Variants in AFF3 observed in about 807,000 individuals in gnomAD.
AFF3 encodes ALF transcription elongation factor 3, also known as AF4/FMR2 family member 3.
A neutral mutation model predicts 129.7 loss-of-function variants in AFF3; 32 were observed. The observed-to-expected ratio is 0.25, with a 90% CI of 0.19 to 0.33. The LOEUF (loss-of-function observed/expected upper bound fraction) is 0.33, where lower values mean the gene tolerates loss of function less well. Among genes scored for constraint, AFF3 ranks in the 10% least tolerant of loss-of-function variants. AFF3 has a pLI of 1.00. For synonymous variants in AFF3, 644 were observed against 635.4 expected (o/e 1.01, Z -0.20); for missense variants, 1,373 against 1,592.0 (o/e 0.86, Z 2.34).
At chr2:99,812,396 G>GT (rs1043087970) in intron 8 of AFF3, among the ~76,000 whole-genome samples, 94 of 152,288 alleles carry the variant, frequency 6.2e-4, no homozygotes, top group African/African-American at 2.2e-3. Flanking sequence ...TCACCTGCTG[G>GT]TAATGCCCCA....
chr2:99,863,422 GA>G lies in AFF3; in HGVS notation c.874-25899del, dbSNP rs533533134. ...ACTATTCTATTTGTCTCCTCTTTAA[GA>G]AAAAAAAAAGTTTCAGAGAAGAGTT... On this transcript the variant is annotated intron_variant, in intron 7 of 24. Transcript: ENST00000672756. 2.1e-4 allele frequency among the ~76,000 whole-genome samples: 31 copies of G among 147,642 alleles called. No homozygotes were observed. In the South Asian group the frequency reaches 4.7e-3, roughly 22 times the overall value.
rs564532433 is a variant in AFF3, at chr2:99,929,707, A to G, written c.873+76925T>C. Among the ~76,000 whole-genome samples, 3 of 152,312 alleles carry G rather than the reference A, an allele frequency of 2.0e-5. No homozygotes were observed. In the South Asian group the frequency reaches 6.2e-4, roughly 32 times the overall value. On this transcript the variant is annotated intron_variant, in intron 7 of 24. Coordinates refer to ENST00000672756, the MANE Select transcript of AFF3 (RefSeq NM_001386135.1). ...AGACTCCAAGTTCACAGTGCAATAA[A>G]GTACAAGGCAATTGAGAAATTTTAA...
At chr2:99,865,628 A>C (rs1185961466) in intron 7 of AFF3, among the ~76,000 whole-genome samples, 1 of 152,240 alleles carries the variant, frequency 6.6e-6, no homozygotes, top group Non-Finnish European at 1.5e-5. Context: ...TCTAAAACTT[A>C]GAAGTTATAG....
At chr2:99,570,609 A>C (rs1676387988) in intron 18 of AFF3, among the ~76,000 whole-genome samples, 2 of 152,180 alleles carry the variant, frequency 1.3e-5, no homozygotes, top group Non-Finnish European at 2.9e-5. Context: ...AAGTGCTGGG[A>C]TTACATGGCT....
At chr2:100,101,213 A>C (rs1690699276) in intron 4 of AFF3, among the ~76,000 whole-genome samples, 1 of 152,158 alleles carries the variant, frequency 6.6e-6, no homozygotes. Flanking sequence ...GTGAATTATC[A>C]ATTGATTGTG....
chr2:100,115,640 A>G (rs1691706496), intron 2 of AFF3, among the ~76,000 whole-genome samples: 1 of 152,002 alleles, frequency 6.6e-6, no homozygotes, highest in Non-Finnish European at 1.5e-5. Context: ...TTTTCAGCTC[A>G]TTTTTTTCAG....
chr2:99,593,165 C>T (rs62154469), intron 15 of AFF3, 30 bp downstream of exon 15: 64,735 of 1,520,136 alleles, frequency 0.043, 1,515 homozygotes, highest in East Asian at 0.068. Flanking sequence ...CCCCTCCACG[C>T]CCCCGCACCC....
At chr2:99,909,462 G>T (rs1576329493) in intron 7 of AFF3, among the ~76,000 whole-genome samples, 1 of 146,188 alleles carries the variant, frequency 6.8e-6, no homozygotes, top group South Asian at 2.3e-4. Flanking sequence ...CGAGTTACTG[G>T]GGGGAGAGGA....
In AFF3 at chr2:99,667,414, G is replaced by T. The variant is rs533909464; in HGVS notation, c.1143+5124C>A. 4.6e-5 allele frequency among the ~76,000 whole-genome samples: 7 copies of T among 152,122 alleles called. No homozygotes were observed. In the South Asian group the frequency reaches 1.5e-3, roughly 32 times the overall value. ...CACTAAATACTTATATCATAAAAAA[G>T]AACGAATCTCAAATCAATAATCTAA... On this transcript the variant is annotated intron_variant, in intron 12 of 24. Coordinates refer to ENST00000672756, the MANE Select transcript of AFF3 (RefSeq NM_001386135.1).
rs1690137662 is a variant in AFF3, at chr2:99,851,482, C to T, written c.874-13958G>A. On this transcript the variant is annotated intron_variant, in intron 7 of 24. Coordinates refer to ENST00000672756, the MANE Select transcript of AFF3 (RefSeq NM_001386135.1). ...CCGCCTCTGGGCTGGAGTTTGCCTT[C>T]TATAGCACTTTGTCTCATACTCCGA... Among the ~76,000 whole-genome samples, 4 of 152,226 alleles carry T rather than the reference C, an allele frequency of 2.6e-5. No homozygotes were observed. The South Asian group carries it at 8.3e-4, about 32-fold the overall frequency.
At chr2:100,118,814 CTT>C (rs5832899) in intron 2 of AFF3, among the ~76,000 whole-genome samples, 25 of 143,698 alleles carry the variant, frequency 1.7e-4, no homozygotes, top group East Asian at 2.1e-4. Context: ...AAAATTCTGA[CTT>C]TTTTTTTTTT....
At chr2:99,754,269 T>C (rs1681909522) in intron 8 of AFF3, among the ~76,000 whole-genome samples, 1 of 152,250 alleles carries the variant, frequency 6.6e-6, no homozygotes, top group South Asian at 2.1e-4. Flanking sequence ...TTTTCCTCTT[T>C]TGTTGACTGT....
rs566036626 is a variant in AFF3 at position 99,894,475 on chromosome 2, T to G, written c.874-56951A>C. On this transcript the variant is annotated intron_variant, in intron 7 of 24. Coordinates refer to ENST00000672756, the MANE Select transcript of AFF3 (RefSeq NM_001386135.1). The stretch of plus-strand genomic sequence containing the variant: ...TTTTCTGATCAGCGTCAGGAATTTT[T>G]TTTTTTTTTTTGAGACGGAGTCTCG... Among the ~76,000 whole-genome samples, 203 of 151,852 alleles carry G rather than the reference T, an allele frequency of 1.3e-3. 1 individual carries two copies. Among genetic ancestry groups the G allele is most frequent in the South Asian group, 2.3e-3 (11 of 4,808 alleles).
Position 99,707,149 on chromosome 2 carries a change from A to G in AFF3, c.1091+19928T>C, listed in dbSNP as rs1255388311. 6 of 985,322 alleles carry G rather than the reference A, an allele frequency of 6.1e-6. No individual in the cohort carries two copies. The Admixed American group carries it at 3.7e-4, about 61-fold the overall frequency. 61.0% of individuals were successfully genotyped at this position (985,322 alleles called of 1,614,324 possible). A position where few individuals can be genotyped will look rare whatever the true frequency, so the allele number is the denominator to read the frequency against. ...GTTGTGGCTTAGCAAGTCAAAAACT[A>G]GTAAACTTGCCTGTAACAACATCCT... On this transcript the variant is annotated intron_variant, in intron 11 of 24. Transcript: ENST00000672756.
intron 13 of AFF3, among the ~76,000 whole-genome samples, chr2:99,629,741 G>A (rs1009053609): frequency 1.6e-4 from 24 of 152,134 alleles, no homozygotes; most frequent in Admixed American, 8.5e-4. Flanking sequence ...GAGGCTCCTC[G>A]TCCCGGTGTG....
intron 15 of AFF3, among the ~76,000 whole-genome samples, chr2:99,591,898 T>C (rs1429226488): frequency 6.6e-6 from 1 of 152,176 alleles, no homozygotes; most frequent in Non-Finnish European, 1.5e-5. Flanking sequence ...ATGACAATAT[T>C]TGCCTCATAA....
chr2:99,760,887 C>T (rs571167542), intron 8 of AFF3, among the ~76,000 whole-genome samples: 42 of 152,096 alleles, frequency 2.8e-4, no homozygotes, highest in Non-Finnish European at 5.4e-4. Context: ...TTGAGAGGTC[C>T]TCAGTTTTGC....
intron 4 of AFF3, among the ~76,000 whole-genome samples, chr2:100,095,492 G>A (rs963423770): frequency 2.0e-5 from 3 of 152,222 alleles, no homozygotes; most frequent in Non-Finnish European, 4.4e-5. Context: ...ACTATTGCAA[G>A]AACTTCATCC....
chr2:99,573,889 C>A (rs555278035), intron 18 of AFF3, among the ~76,000 whole-genome samples: 44 of 152,296 alleles, frequency 2.9e-4, no homozygotes, highest in African/African-American at 1.0e-3. Flanking sequence ...GGCAGGCAGC[C>A]CTGGCACCTG....
Sources: gnomAD v4.1 joint callset for allele counts (sites outside exome capture counted in the v4.1 genomes callset) on GRCh38, gnomAD v4.1.1 for gene constraint, MANE v1.5 for transcripts, NCBI Gene and HGNC (gene_info 2026-07-23, HGNC 2026-07-21) for gene names.